CAMTA1: variants seen among roughly 807,000 people sequenced by gnomAD.
CAMTA1 encodes the protein calmodulin-binding transcription activator 1.
Under a neutral mutation model 170.9 loss-of-function variants are expected in CAMTA1, and 27 were observed. The observed-to-expected ratio is 0.16, with a 90% CI of 0.12 to 0.22. The LOEUF (loss-of-function observed/expected upper bound fraction) is 0.22, where lower values mean the gene tolerates loss of function less well. Ranked by LOEUF, CAMTA1 falls within the 10% of genes least tolerant of loss-of-function variation. The pLI is 1.00. For missense variants in CAMTA1, 1,619 were observed against 2,217.2 expected, an observed-to-expected ratio of 0.73 and a Z score of 5.42; for synonymous variants, 833 against 891.5, an observed-to-expected ratio of 0.93 and a Z score of 1.17.
intron 22 of CAMTA1, among the ~76,000 whole-genome samples, chr1:7,758,528 T>C (rs1476673053): frequency 6.6e-6 from 1 of 152,208 alleles, no homozygotes; most frequent in Admixed American, 6.5e-5. Flanking sequence ...CGTTCTTCCA[T>C]CGGAGAAGTC....
In CAMTA1 at chr1:7,500,348, G is replaced by A. The variant is rs1167859966; in HGVS notation, c.510+32447G>A. On this transcript the variant is annotated intron_variant, in intron 6 of 22. Transcript: ENST00000303635. ...TGTGTAGAGAGGATGGTGTGAGCCT[G>A]GTGTGCGTGTGTATGTATATGAGTG... is the stretch of plus-strand genomic sequence containing the variant. Among the ~76,000 whole-genome samples the A allele has an allele frequency of 2.7e-5, 4 of 149,830 alleles. No homozygotes were observed. In the East Asian group the frequency reaches 7.8e-4, roughly 29 times the overall value.
chr1:7,758,118 T>TAGTA (rs1274807951), intron 22 of CAMTA1, among the ~76,000 whole-genome samples: 4 of 152,198 alleles, frequency 2.6e-5, no homozygotes, highest in South Asian at 4.1e-4. Context: ...CTACAACTTG[T>TAGTA]AGTATCATGC....
At position 7,732,607 on chromosome 1, in the gene CAMTA1, G is replaced by T; in HGVS notation, c.3066+8G>T. ...GGAGGGAGCCAGGCACAGGTACGAG[G>T]CGGTGCTGATGCTCAGCTCCCATTT... is the stretch of plus-strand genomic sequence containing the variant. On this transcript the variant is annotated splice_region_variant and intron_variant, in intron 12 of 22. Coordinates refer to ENST00000303635, the MANE Select transcript of CAMTA1 (RefSeq NM_015215.4). The surrounding 1 kb of genome is among the most constrained non-coding windows in gnomAD (Gnocchi z 4.1). 1 of 1,588,894 alleles carries T rather than the reference G, an allele frequency of 6.3e-7. No individual in the cohort carries two copies. Among genetic ancestry groups the T allele is most frequent in the Non-Finnish European group, 8.6e-7 (1 of 1,167,916 alleles).
Position 7,113,444 on chromosome 1 carries a change from T to C in CAMTA1, c.302+22073T>C, listed in dbSNP as rs1348468302. Among the ~76,000 whole-genome samples, 2 of 152,118 alleles carry C rather than the reference T, an allele frequency of 1.3e-5. No homozygotes were observed. Among genetic ancestry groups the C allele is most frequent in the African/African-American group, 4.8e-5 (2 of 41,426 alleles). Reference sequence around the variant, plus strand: ...TCATCTTTACTTGATTCCCTTGGTCTGGAGAGAAGGATCTAGGGGCCAGAG... The same window carrying C: ...TCATCTTTACTTGATTCCCTTGGTCCGGAGAGAAGGATCTAGGGGCCAGAG... On this transcript the variant is annotated intron_variant, in intron 4 of 22. Transcript: ENST00000303635. The surrounding 1 kb of genome is among the most constrained non-coding windows in gnomAD (Gnocchi z 4.5).
Position 7,635,406 on chromosome 1 carries a change from G to A in CAMTA1, c.511-4994G>A, listed in dbSNP as rs1450206988. Among the ~76,000 whole-genome samples, 1 of 152,104 alleles carries A rather than the reference G, an allele frequency of 6.6e-6. No individual in the cohort carries two copies. The highest frequency in any genetic ancestry group is 1.9e-4 in the East Asian group (1 of 5,170). The stretch of plus-strand genomic sequence containing the variant: ...GCAGATCACGAGATCGGGACACCGA[G>A]ACTATCCTGGCTAACACGGTGAAAC... On this transcript the variant is annotated intron_variant, in intron 6 of 22. Coordinates refer to ENST00000303635, the MANE Select transcript of CAMTA1 (RefSeq NM_015215.4). This position sits in a 1 kb window ranked among gnomAD's most constrained non-coding sequence, Gnocchi z 4.4.
At chr1:7,404,657 C>T (rs995327700) in intron 5 of CAMTA1, among the ~76,000 whole-genome samples, 2 of 152,188 alleles carry the variant, frequency 1.3e-5, no homozygotes, top group Admixed American at 1.3e-4. Context: ...CCCTGGCTCC[C>T]CAGGAGTCCT....
rs181997375 is a variant in CAMTA1, at chr1:6,883,313, A to G, written c.234+58103A>G. Among the ~76,000 whole-genome samples the G allele has an allele frequency of 2.0e-5, 3 of 152,296 alleles. No homozygotes were observed. The East Asian group carries it at 5.8e-4, about 29-fold the overall frequency. ...CGGGGCGATCGTTGGTGACTTTGATAAGAGCTGTATGAGTGAAATGGTGAG... is the reference window on the plus strand; with the variant it reads ...CGGGGCGATCGTTGGTGACTTTGATGAGAGCTGTATGAGTGAAATGGTGAG... On this transcript the variant is annotated intron_variant, in intron 3 of 22. Coordinates refer to ENST00000303635, the MANE Select transcript of CAMTA1 (RefSeq NM_015215.4).
At chr1:7,744,561 A>T (rs78612622) in intron 16 of CAMTA1, among the ~76,000 whole-genome samples, 2,428 of 152,278 alleles carry the variant, frequency 0.016, 37 homozygotes, top group Non-Finnish European at 0.027. Context: ...TGACCCTGAG[A>T]GTAGGGAGTA....
At chr1:6,803,159 GTCAGTA>G (rs1644087451) in intron 1 of CAMTA1, among the ~76,000 whole-genome samples, 1 of 152,232 alleles carries the variant, frequency 6.6e-6, no homozygotes, top group Non-Finnish European at 1.5e-5. Flanking sequence ...TTTGGGTGAT[GTCAGTA>G]TCATTTGAGG....
At chr1:7,011,175 G>C (rs1699724399) in intron 3 of CAMTA1, among the ~76,000 whole-genome samples, 1 of 152,210 alleles carries the variant, frequency 6.6e-6, no homozygotes, top group South Asian at 2.1e-4. Context: ...GGGTGATTCA[G>C]TGTTCCAGTT....
intron 6 of CAMTA1, among the ~76,000 whole-genome samples, chr1:7,610,689 C>G (rs955859934): frequency 6.6e-6 from 1 of 152,216 alleles, no homozygotes; most frequent in African/African-American, 2.4e-5. Context: ...CCAGAAGTGG[C>G]CTCTGCCCCT....
In CAMTA1 at chr1:7,579,559, T is replaced by TTTTTTTC. The variant is rs1396098350; in HGVS notation, c.511-60835_511-60834insCTTTTTT. ...TTTCTTTTCTTTTCTTTTCTTTTTT[T>TTTTTTTC]TTTTTTTTTTTTTTTTTTGAGATAG... On this transcript the variant is annotated intron_variant, in intron 6 of 22. Transcript: ENST00000303635. Among the ~76,000 whole-genome samples the TTTTTTTC allele has an allele frequency of 2.3e-3, 264 of 116,142 alleles. 3 individuals are homozygous for TTTTTTTC. Among genetic ancestry groups the TTTTTTTC allele is most frequent in the African/African-American group, 0.014 (259 of 18,880 alleles). 76.2% of individuals were successfully genotyped at this position (116,142 alleles called of 152,430 possible).
At position 7,745,951 on chromosome 1, in the gene CAMTA1, G is replaced by A. The variant is rs1353421341; in HGVS notation, c.4477G>A (p.Ala1493Thr). The part of the protein sequence containing the change: ...AFEKPNLPSA[A>T]DWSEFLSAST... ...CGAGAAACCTAACCTTCCCTCCGCC[G>A]CGGATTGGTCAGAATTCCTGAGTGC... Residue 1493 changes from alanine (A) to threonine (T), a missense_variant, in exon 18 of 23, where the codon GCG becomes ACG. Physicochemically the swap from Ala to Thr is moderately conservative, Grantham distance 58. Coordinates refer to ENST00000303635, the MANE Select transcript of CAMTA1 (RefSeq NM_015215.4). 21 of 1,614,040 alleles carry A rather than the reference G, an allele frequency of 1.3e-5. No individual in the cohort carries two copies. Among genetic ancestry groups the A allele is most frequent in the Admixed American group, 3.3e-5 (2 of 59,998 alleles).
intron 3 of CAMTA1, among the ~76,000 whole-genome samples, chr1:7,016,357 G>GGCA (rs1330024071): frequency 1.3e-5 from 2 of 152,178 alleles, no homozygotes; most frequent in African/African-American, 4.8e-5. Flanking sequence ...GGGAGGCAAG[G>GGCA]GCAGCATGTG....
At chr1:7,185,668 G>A (rs553685736) in intron 4 of CAMTA1, among the ~76,000 whole-genome samples, 1 of 152,250 alleles carries the variant, frequency 6.6e-6, no homozygotes, top group South Asian at 2.1e-4. Context: ...TCGTGAAATC[G>A]GGACAAACAC....
At chr1:7,291,300 G>A (rs1436063235) in intron 5 of CAMTA1, among the ~76,000 whole-genome samples, 4 of 152,142 alleles carry the variant, frequency 2.6e-5, no homozygotes, top group South Asian at 2.1e-4. Context: ...AGTGTATCTC[G>A]GGAGAGTGCC....
chr1:7,347,242 A>G (rs764421461), intron 5 of CAMTA1, among the ~76,000 whole-genome samples: 16 of 152,226 alleles, frequency 1.1e-4, no homozygotes, highest in Admixed American at 2.6e-4. Context: ...TCTTTCCACA[A>G]TGAGGCCCGG....
chr1:7,660,137 C>G (rs1040945592), intron 7 of CAMTA1, among the ~76,000 whole-genome samples: 2 of 152,214 alleles, frequency 1.3e-5, no homozygotes, highest in Non-Finnish European at 2.9e-5. Context: ...TGCAATGGTG[C>G]AATCTCGGCT....
intron 4 of CAMTA1, among the ~76,000 whole-genome samples, chr1:7,232,400 C>T (rs971562078): frequency 6.6e-6 from 1 of 152,224 alleles, no homozygotes; most frequent in African/African-American, 2.4e-5. Flanking sequence ...GCATGATTTA[C>T]GTCCGAGTGC....
Sources: gnomAD v4.1 joint callset for allele counts (sites outside exome capture counted in the v4.1 genomes callset) on GRCh38, gnomAD v4.1.1 for gene constraint, Gnocchi (gnomAD v3.1) non-coding constraint, MANE v1.5 for transcripts, NCBI Gene and HGNC (gene_info 2026-07-23, HGNC 2026-07-21) for gene names.